The following MALRD1 variants were observed in gnomAD, a reference collection of about 807,000 sequenced individuals.
MALRD1 encodes MAM and LDL-receptor class A domain-containing protein 1.
Under a neutral mutation model 242.1 loss-of-function variants are expected in MALRD1, and 247 were observed. The observed-to-expected ratio is 1.02, with a 90% CI of 0.92 to 1.13. MALRD1 has a LOEUF of 1.13. Ranked by LOEUF, MALRD1 falls within the 50% of genes most tolerant of loss-of-function variation. The pLI is 0.00. For synonymous variants in MALRD1, 995 were observed against 866.6 expected (o/e 1.15, Z -2.60); for missense variants, 2,989 against 2,533.1 (o/e 1.18, Z -3.86).
chr10:19,128,558 C>T (rs1049261348), intron 8 of MALRD1, among the ~76,000 whole-genome samples, 171 bp downstream of exon 8: 1 of 152,106 alleles, frequency 6.6e-6, no homozygotes, highest in Admixed American at 6.6e-5. Context: ...GGGACACTCT[C>T]ATGTACAAAA....
chr10:19,212,256 C>T (rs1391515889), intron 18 of MALRD1, among the ~76,000 whole-genome samples: 1 of 152,068 alleles, frequency 6.6e-6, no homozygotes, highest in African/African-American at 2.4e-5. Context: ...CATTCCTGGC[C>T]CTTAACAACC....
chr10:19,251,640 C>A (rs1344918272), intron 18 of MALRD1, among the ~76,000 whole-genome samples: 1 of 151,906 alleles, frequency 6.6e-6, no homozygotes, highest in Non-Finnish European at 1.5e-5. Flanking sequence ...AATATCAGGC[C>A]CTTCATGCTT....
At chr10:19,078,535 T>G (rs999742829) in intron 2 of MALRD1, among the ~76,000 whole-genome samples, 1 of 151,912 alleles carries the variant, frequency 6.6e-6, no homozygotes, top group Non-Finnish European at 1.5e-5. Context: ...AATCGTGGCC[T>G]TATAGAATGA....
At chr10:19,431,346 T>C (rs1207650516) in intron 28 of MALRD1, among the ~76,000 whole-genome samples, 2 of 134,836 alleles carry the variant, frequency 1.5e-5, no homozygotes, top group Admixed American at 1.4e-4. Flanking sequence ...TTCATTAGTA[T>C]AGTTTGAGAG....
chr10:19,206,118 A>G (rs1836771946), intron 17 of MALRD1, among the ~76,000 whole-genome samples: 1 of 151,244 alleles, frequency 6.6e-6, no homozygotes. Flanking sequence ...TAATAAGTAA[A>G]TTATTTCTTT....
At chr10:19,703,850 G>T (rs1018464168) in intron 38 of MALRD1, among the ~76,000 whole-genome samples, 1 of 152,142 alleles carries the variant, frequency 6.6e-6, no homozygotes, top group Non-Finnish European at 1.5e-5. Flanking sequence ...AGCTGAGATT[G>T]TGCCACTGCA....
chr10:19,510,130 CACGT>C (rs1833329795), intron 31 of MALRD1, among the ~76,000 whole-genome samples: 1 of 152,152 alleles, frequency 6.6e-6, no homozygotes, highest in Non-Finnish European at 1.5e-5. Flanking sequence ...TTTTGATGTG[CACGT>C]ACGTAAACAT....
chr10:19,141,201 T>C (rs755408528), intron 10 of MALRD1, among the ~76,000 whole-genome samples: 8 of 152,186 alleles, frequency 5.3e-5, no homozygotes, highest in Non-Finnish European at 1.2e-4. Context: ...GAACAGTTTA[T>C]ACATGAAATA....
At chr10:19,500,789 C>T (rs1175654183) in intron 31 of MALRD1, among the ~76,000 whole-genome samples, 1 of 152,066 alleles carries the variant, frequency 6.6e-6, no homozygotes, top group African/African-American at 2.4e-5. Flanking sequence ...TAAATGAATG[C>T]CTATTATGTG....
At chr10:19,403,173 A>T (rs1013762668) in intron 28 of MALRD1, among the ~76,000 whole-genome samples, 54 of 152,146 alleles carry the variant, frequency 3.5e-4, no homozygotes, top group African/African-American at 1.3e-3. Context: ...CCAAAAAAAA[A>T]GTCTAGTTTT....
chr10:19,539,260 C>G (rs1363292692), intron 32 of MALRD1, among the ~76,000 whole-genome samples: 1 of 152,112 alleles, frequency 6.6e-6, no homozygotes, highest in African/African-American at 2.4e-5. Context: ...ATGAGATAGA[C>G]AAAGCTTCAG....
chr10:19,314,881 A>G (rs747848668), intron 21 of MALRD1, among the ~76,000 whole-genome samples: 8 of 151,230 alleles, frequency 5.3e-5, no homozygotes, highest in African/African-American at 1.2e-4. Flanking sequence ...ATCGTTAGGT[A>G]TAAGTGTTAT....
chr10:19,323,907 G>A (rs1296984413), intron 21 of MALRD1, 42 bp from the exon 22 acceptor site: 25 of 1,538,508 alleles, frequency 1.6e-5, no homozygotes, highest in East Asian at 2.5e-5. Flanking sequence ...CACCGTGCCC[G>A]GCCTCTTATT....
intron 5 of MALRD1, among the ~76,000 whole-genome samples, chr10:19,112,384 A>T (rs1183038765): frequency 6.6e-6 from 1 of 152,062 alleles, no homozygotes; most frequent in East Asian, 1.9e-4. Flanking sequence ...TCATCAGAAA[A>T]TCCTATACCT....
intron 18 of MALRD1, among the ~76,000 whole-genome samples, chr10:19,242,904 G>T (rs993654895): frequency 2.0e-5 from 3 of 151,932 alleles, no homozygotes; most frequent in Non-Finnish European, 2.9e-5. Context: ...TTTAATTAGA[G>T]TTTAATCCAC....
chr10:19,227,991 A>C (rs1837873601), intron 18 of MALRD1, among the ~76,000 whole-genome samples: 2 of 152,192 alleles, frequency 1.3e-5, no homozygotes, highest in African/African-American at 4.8e-5. Flanking sequence ...ATTGCTATTC[A>C]CACCTGGCTA....
intron 14 of MALRD1, among the ~76,000 whole-genome samples, chr10:19,185,355 T>G (rs1835691697): frequency 1.3e-5 from 2 of 152,186 alleles, no homozygotes; most frequent in African/African-American, 4.8e-5. Flanking sequence ...CCAAAGTGCA[T>G]GTACTAATTT....
intron 10 of MALRD1, among the ~76,000 whole-genome samples, chr10:19,143,669 G>C (rs11008657): frequency 3.3e-5 from 5 of 152,184 alleles, no homozygotes; most frequent in African/African-American, 7.2e-5. Flanking sequence ...CTAGGAATTG[G>C]AGGTAACCTT....
chr10:19,383,594 G>T (rs114020054), intron 26 of MALRD1, among the ~76,000 whole-genome samples: 1,576 of 152,020 alleles, frequency 0.01, 30 homozygotes, highest in African/African-American at 0.035. Context: ...GAGTTACTAA[G>T]TACATACCTT....
Sources: allele counts gnomAD v4.1 joint callset (sites outside exome capture counted in the v4.1 genomes callset), GRCh38; gene constraint gnomAD v4.1.1; transcripts MANE v1.5; gene names NCBI Gene and HGNC (gene_info 2026-07-23, HGNC 2026-07-21).